Variants in ARB2A observed in about 807,000 individuals in gnomAD.
The protein encoded by ARB2A is cotranscriptional regulator ARB2A.
chr5:94,058,217 C>T, the ARB2A span, among the ~76,000 whole-genome samples: 3,216 of 151,772 alleles, frequency 0.021, 105 homozygotes, highest in African/African-American at 0.073. Context: ...CAGAACAAAG[C>T]CCAACATTCT....
the ARB2A span, among the ~76,000 whole-genome samples, chr5:93,762,418 A>C: frequency 6.6e-6 from 1 of 152,250 alleles, no homozygotes; most frequent in African/African-American, 2.4e-5. Context: ...AAGCCTCAGT[A>C]GTCAATTCGA....
the ARB2A span, among the ~76,000 whole-genome samples, chr5:94,005,597 G>T: frequency 6.6e-6 from 1 of 152,172 alleles, no homozygotes; most frequent in Non-Finnish European, 1.5e-5. Flanking sequence ...ACGCAAATTT[G>T]CAAAATAATG....
chr5:94,055,075 A>C, the ARB2A span, among the ~76,000 whole-genome samples: 2 of 152,214 alleles, frequency 1.3e-5, no homozygotes, highest in South Asian at 4.1e-4. Flanking sequence ...AATATCTTTT[A>C]GGTTCATATT....
chr5:93,637,906 G>T, the ARB2A span, among the ~76,000 whole-genome samples: 1 of 152,176 alleles, frequency 6.6e-6, no homozygotes, highest in African/African-American at 2.4e-5. Flanking sequence ...GCATCAGCTT[G>T]ACCTTTGGAG....
chr5:94,086,074 T>C, the ARB2A span, among the ~76,000 whole-genome samples: 1 of 152,146 alleles, frequency 6.6e-6, no homozygotes, highest in Non-Finnish European at 1.5e-5. Context: ...TTATTGATAG[T>C]GTTTTGAATC....
At chr5:93,761,504 G>A in the ARB2A span, among the ~76,000 whole-genome samples, 1 of 152,162 alleles carries the variant, frequency 6.6e-6, no homozygotes, top group African/African-American at 2.4e-5. Context: ...AAGCGAGGCT[G>A]GGGGAAGGGC....
the ARB2A span, among the ~76,000 whole-genome samples, chr5:93,623,975 CA>C: frequency 6.6e-6 from 1 of 152,030 alleles, no homozygotes. Flanking sequence ...AGACCATTTT[CA>C]AAAATTTAGG....
chr5:94,025,541 C>G, the ARB2A span, among the ~76,000 whole-genome samples: 1 of 152,186 alleles, frequency 6.6e-6, no homozygotes, highest in Non-Finnish European at 1.5e-5. Context: ...TGGGGATACC[C>G]AGTCCAATAA....
chr5:93,635,580 C>T, the ARB2A span, among the ~76,000 whole-genome samples: 166 of 151,230 alleles, frequency 1.1e-3, no homozygotes, highest in African/African-American at 3.9e-3. Context: ...GCTGGGAGTA[C>T]GGGCGTGTAC....
At chr5:93,634,451 C>G in the ARB2A span, among the ~76,000 whole-genome samples, 1 of 151,788 alleles carries the variant, frequency 6.6e-6, no homozygotes, top group Non-Finnish European at 1.5e-5. Context: ...GAAAAAAAGA[C>G]AAGCTGAAGA....
At chr5:94,018,958 A>G in the ARB2A span, among the ~76,000 whole-genome samples, 1 of 152,164 alleles carries the variant, frequency 6.6e-6, no homozygotes, top group Non-Finnish European at 1.5e-5. Flanking sequence ...TGGTACCAAA[A>G]CAGATATTTA....
At chr5:94,100,361 G>A in the ARB2A span, among the ~76,000 whole-genome samples, 2 of 152,188 alleles carry the variant, frequency 1.3e-5, no homozygotes, top group African/African-American at 4.8e-5. Flanking sequence ...TGGCTATACC[G>A]CCCAAAGCAA....
the ARB2A span, among the ~76,000 whole-genome samples, chr5:93,990,620 TAAAAAAAAAA>T: frequency 5.3e-5 from 4 of 75,244 alleles, no homozygotes; most frequent in South Asian, 6.4e-4. Flanking sequence ...CTACCATGAG[TAAAAAAAAAA>T]AAAAAAAAAA....
the ARB2A span, among the ~76,000 whole-genome samples, chr5:93,727,733 G>A: frequency 2.5e-3 from 384 of 152,120 alleles, 2 homozygotes; most frequent in Middle Eastern, 3.4e-3. Flanking sequence ...AGAAGTAAGA[G>A]ATATTCTTAA....
the ARB2A span, among the ~76,000 whole-genome samples, chr5:93,858,959 A>T: frequency 2.6e-5 from 4 of 152,280 alleles, no homozygotes; most frequent in East Asian, 5.8e-4. Flanking sequence ...GTGAGGAAGG[A>T]AGAGGATAGA....
At chr5:94,003,574 T>C in the ARB2A span, among the ~76,000 whole-genome samples, 1 of 151,808 alleles carries the variant, frequency 6.6e-6, no homozygotes, top group African/African-American at 2.4e-5. Flanking sequence ...ATACTAGCAA[T>C]AAAACACACT....
chr5:93,941,874 A>G, the ARB2A span, among the ~76,000 whole-genome samples: 1 of 152,160 alleles, frequency 6.6e-6, no homozygotes, highest in Non-Finnish European at 1.5e-5. Context: ...AAAGTGCTCT[A>G]TACTCTCACA....
the ARB2A span, among the ~76,000 whole-genome samples, chr5:93,650,020 T>TA: frequency 6.6e-6 from 1 of 152,080 alleles, no homozygotes; most frequent in Non-Finnish European, 1.5e-5. Flanking sequence ...AATAAGAACT[T>TA]ACTGAGTATG....
chr5:93,837,722 A>G, the ARB2A span, among the ~76,000 whole-genome samples: 1 of 152,132 alleles, frequency 6.6e-6, no homozygotes, highest in African/African-American at 2.4e-5. Context: ...GTGAGATGGC[A>G]TCTCAGAGTG....
Sources: allele counts gnomAD v4.1 joint callset (sites outside exome capture counted in the v4.1 genomes callset), GRCh38; gene constraint gnomAD v4.1.1; transcripts MANE v1.5; gene names NCBI Gene and HGNC (gene_info 2026-07-23, HGNC 2026-07-21).